The following POLR3D variants were observed in gnomAD, a reference collection of about 807,000 sequenced individuals.
POLR3D encodes the protein RNA polymerase III subunit D, also known as DNA-directed RNA polymerase III subunit RPC4.
Under a neutral mutation model 44.5 loss-of-function variants are expected in POLR3D, and 42 were observed. That is an observed-to-expected ratio of 0.94 (90% CI 0.74 to 1.22). The LOEUF (loss-of-function observed/expected upper bound fraction) is 1.22. Ranked by LOEUF, POLR3D falls within the 50% of genes most tolerant of loss-of-function variation. The probability of loss-of-function intolerance (pLI) is 0.00; values close to 1 mark genes in which losing one functional copy is unlikely to be tolerated. For missense variants in POLR3D, 507 were observed against 505.2 expected, an observed-to-expected ratio of 1.00 and a Z score of -0.03; for synonymous variants, 217 against 198.1, an observed-to-expected ratio of 1.10 and a Z score of -0.80.
At position 22,249,061 on chromosome 8, in the gene POLR3D, G is replaced by T; in HGVS notation, c.673G>T (p.Asp225Tyr). The T allele has an allele frequency of 6.2e-7, 1 of 1,613,926 alleles. No homozygotes were observed. The highest frequency in any genetic ancestry group is 8.5e-7 in the Non-Finnish European group (1 of 1,179,970). The change falls in exon 7 of 9, where the codon GAT (aspartate) becomes TAT (tyrosine). Residue 225 changes from aspartate to tyrosine, a missense_variant. Asp to Tyr is a radical substitution (Grantham distance 160). Coordinates refer to ENST00000306433, the MANE Select transcript of POLR3D (RefSeq NM_001722.3). Reference sequence around the variant, plus strand: ...CCGGGCAGTGAAAGAGGAGCCACGAGATGAGGAGGAAGAGGCCAAGATGAA... The same window carrying T: ...CCGGGCAGTGAAAGAGGAGCCACGATATGAGGAGGAAGAGGCCAAGATGAA... ...PAVKVKEEPR[D>Y]EEEEAKMKAP...
At chr8:22,246,399 G>A (rs1830043358) in intron 2 of POLR3D, among the ~76,000 whole-genome samples, 2 of 151,548 alleles carry the variant, frequency 1.3e-5, no homozygotes, top group African/African-American at 2.4e-5. Context: ...CAAGGTGCTG[G>A]GATTACAGGT....
At position 22,245,170 on chromosome 8, in the gene POLR3D, T is replaced by A. The variant is rs79812935; in HGVS notation, c.-19T>A. The A allele has an allele frequency of 1.7e-6, 1 of 583,638 alleles. No homozygotes were observed. Among genetic ancestry groups the A allele is most frequent in the Non-Finnish European group, 3.2e-6 (1 of 310,700 alleles). 36.2% of individuals were successfully genotyped at this position (583,638 alleles called of 1,614,324 possible). On this transcript the variant is annotated 5_prime_UTR_variant, in exon 1 of 9. Coordinates refer to ENST00000306433, the MANE Select transcript of POLR3D (RefSeq NM_001722.3). ...GGCGCGGAGACCGAAGGCTGGCGGC[T>A]GGTCGCGTTGCAGGTGAGGTTGTGA...
chr8:22,250,129 G>A lies in POLR3D; in HGVS notation c.976G>A (p.Val326Ile). ...CCTGGCTGACCTGACAGAGGGTCAG[G>A]TTGGCAAGCTACTCATCCGCAAGTC... ...CTLADLTEGQ[V>I]GKLLIRKSGR... Residue 326 changes from valine (V) to isoleucine (I), a missense_variant, in exon 8 of 9, where the codon GTT becomes ATT. Transcript: ENST00000306433. The A allele has an allele frequency of 6.2e-7, 1 of 1,614,156 alleles. No homozygotes were observed. Among genetic ancestry groups the A allele is most frequent in the Non-Finnish European group, 8.5e-7 (1 of 1,180,022 alleles).
In POLR3D at chr8:22,250,195, G is replaced by C; in HGVS notation, c.1042G>C (p.Val348Leu). The C allele has an allele frequency of 6.2e-7, 1 of 1,614,192 alleles. No individual in the cohort carries two copies. The highest frequency in any genetic ancestry group is 8.5e-7 in the Non-Finnish European group (1 of 1,180,026). The change falls in exon 8 of 9, where the codon GTG becomes CTG. Residue 348 changes from valine to leucine, a missense_variant. Val to Leu is a conservative substitution (Grantham distance 32). Transcript: ENST00000306433. ...CCTCTTGGGCAAGGTGACTCTGGAC[G>C]TGACCATGGGAACTGCCTGCTCCTT... is the stretch of plus-strand genomic sequence containing the variant. ...QLLLGKVTLD[V>L]TMGTACSFLQ... is the part of the protein sequence containing the mutation.
At chr8:22,247,586 TC>T (rs1385360120) in intron 3 of POLR3D, among the ~76,000 whole-genome samples, 3 of 152,192 alleles carry the variant, frequency 2.0e-5, no homozygotes, top group Non-Finnish European at 1.5e-5. Context: ...TCCCTGAAGT[TC>T]CTTTGCATTT....
Position 22,245,469 on chromosome 8 carries a change from C to T in POLR3D, c.20C>T (p.Ala7Val), listed in dbSNP as rs1300209790. 5 of 1,309,212 alleles carry T rather than the reference C, an allele frequency of 3.8e-6. No individual in the cohort carries two copies. The African/African-American group carries it at 6.0e-5, about 16-fold the overall frequency. The allele number at this position is 1,309,212 out of a possible 1,614,324, so 81.1% of individuals were successfully genotyped here. MSEGNA[A>V]GEPSTPGGPR... The stretch of plus-strand genomic sequence containing the variant: ...GGCAACATGTCGGAAGGAAACGCCG[C>T]CGGCGAGCCCAGCACGCCGGGAGGG... The change falls in exon 2 of 9, where the codon GCC becomes GTC. Residue 7 changes from alanine to valine, a missense_variant. Ala to Val is a moderately conservative substitution (Grantham distance 64). Coordinates refer to ENST00000306433, the MANE Select transcript of POLR3D (RefSeq NM_001722.3).
rs760034690 is a variant in POLR3D, at chr8:22,250,078, G to A, written c.925G>A (p.Ala309Thr). ...VLIKQEKDRE[A>T]KLAENACTLA... Reference sequence around the variant, plus strand: ...CATCCTCTGGTTTTCTCCGCAGGAAGCCAAATTGGCAGAGAATGCTTGTAC... The same window carrying A: ...CATCCTCTGGTTTTCTCCGCAGGAAACCAAATTGGCAGAGAATGCTTGTAC... The change falls in exon 8 of 9, where the codon GCC becomes ACC. Residue 309 changes from alanine to threonine, a missense_variant. By Grantham distance (58) the Ala-to-Thr change is moderately conservative. Coordinates refer to ENST00000306433, the MANE Select transcript of POLR3D (RefSeq NM_001722.3). The A allele has an allele frequency of 8.7e-6, 14 of 1,614,100 alleles. No homozygotes were observed. The highest frequency in any genetic ancestry group is 1.2e-5 in the Non-Finnish European group (14 of 1,180,006).
chr8:22,250,348 G>A (rs1481985026), intron 8 of POLR3D, 48 bp from the exon 9 acceptor site: 14 of 1,612,914 alleles, frequency 8.7e-6, no homozygotes, highest in South Asian at 4.4e-5. Flanking sequence ...AGCTCTACAC[G>A]CCGGGCACGT....
At chr8:22,247,198 T>G in intron 2 of POLR3D, 23 bp from the exon 3 acceptor site, 1 of 1,599,386 alleles carries the variant, frequency 6.3e-7, no homozygotes, top group Non-Finnish European at 8.6e-7. Context: ...AACACATCAG[T>G]GACTCCTGTA....
chr8:22,250,769 A>T lies in POLR3D; in HGVS notation c.*251A>T. The T allele has an allele frequency of 4.0e-6, 2 of 498,994 alleles. No individual in the cohort carries two copies. The highest frequency in any genetic ancestry group is 7.3e-6 in the Non-Finnish European group (2 of 273,152). 30.9% of individuals were successfully genotyped at this position (498,994 alleles called of 1,614,324 possible). ...GGCCCTGCTATTTATTTTTGTATTT[A>T]TGTCTTAATCTCTTCCACTGATGCA... On this transcript the variant is annotated 3_prime_UTR_variant, in exon 9 of 9. Coordinates refer to ENST00000306433, the MANE Select transcript of POLR3D (RefSeq NM_001722.3).
chr8:22,246,236 T>C (rs1210730234), intron 2 of POLR3D, among the ~76,000 whole-genome samples: 1 of 151,960 alleles, frequency 6.6e-6, no homozygotes, highest in Non-Finnish European at 1.5e-5. Context: ...TGAGCGATTC[T>C]CCTGCCTCAT....
At chr8:22,247,404 G>A (rs2131948157) in intron 3 of POLR3D, 140 bp downstream of exon 3, 3 of 609,880 alleles carry the variant, frequency 4.9e-6, no homozygotes, top group Non-Finnish European at 8.8e-6. Context: ...TTCAACCCTG[G>A]CTCCTAGGTG....
In POLR3D at chr8:22,248,059, C is replaced by G. The variant is rs750492669; in HGVS notation, c.361+51C>G. 2.5e-6 allele frequency: 4 copies of G among 1,607,368 alleles called. No homozygotes were observed. The Admixed American group carries it at 6.7e-5, about 27-fold the overall frequency. ...CAGTTCAGACTGCCCCAGAGAAGGGCGAGAACAGTGGAATTTCCCCACTCC... is the reference window on the plus strand; with the variant it reads ...CAGTTCAGACTGCCCCAGAGAAGGGGGAGAACAGTGGAATTTCCCCACTCC... On this transcript the variant is annotated intron_variant, in intron 4 of 8. Coordinates refer to ENST00000306433, the MANE Select transcript of POLR3D (RefSeq NM_001722.3).
chr8:22,248,397 A>G, intron 5 of POLR3D, 84 bp from the exon 6 acceptor site: 3 of 1,573,842 alleles, frequency 1.9e-6, no homozygotes, highest in Admixed American at 1.8e-5. Context: ...GAGCAGCGGA[A>G]TCTTTGGTTA....
In POLR3D at chr8:22,245,527, C is replaced by T; in HGVS notation, c.78C>T (p.Leu26=). ...PRPLLTGARG[L]IGRRPAPPLT... is the part of the protein sequence containing the mutation. The stretch of plus-strand genomic sequence containing the variant: ...CTCTCCTGACTGGGGCCCGGGGGCT[C>T]ATCGGGCGGCGGCCGGCGCCTCCCC... The change falls in exon 2 of 9, where the codon CTC becomes CTT. Residue 26 remains leucine, a synonymous_variant. Transcript: ENST00000306433. 7.9e-7 allele frequency: 1 copy of T among 1,272,986 alleles called. No homozygotes were observed. Among genetic ancestry groups the T allele is most frequent in the African/African-American group, 1.5e-5 (1 of 65,686 alleles). 78.9% of individuals were successfully genotyped at this position (1,272,986 alleles called of 1,614,324 possible).
intron 6 of POLR3D, among the ~76,000 whole-genome samples, 163 bp downstream of exon 6, chr8:22,248,812 C>T (rs1223835861): frequency 1.3e-5 from 2 of 152,178 alleles, no homozygotes; most frequent in East Asian, 1.9e-4. Context: ...CATTCTCCCT[C>T]GCAGAGGGTT....
intron 1 of POLR3D, 129 bp from the exon 2 acceptor site, chr8:22,245,316 G>C (rs1307928044): frequency 6.5e-6 from 4 of 611,100 alleles, no homozygotes; most frequent in African/African-American, 1.9e-5. Context: ...CTCGCCACGT[G>C]GGAGGGGAGG....
rs1830074878 is a variant in POLR3D, at chr8:22,249,213, C to A, written c.825C>A (p.Leu275=). The part of the protein sequence containing the change: ...ELLFLQLPDT[L]PGQPPTQDIK... ...TGTTTCTGCAGCTGCCAGACACCCT[C>A]CCTGGCCAGCCACCCACCCAGGACA... is the stretch of plus-strand genomic sequence containing the variant. The change falls in exon 7 of 9, where the codon CTC becomes CTA. Residue 275 remains leucine, a synonymous_variant. Transcript: ENST00000306433. 5.0e-6 allele frequency: 8 copies of A among 1,613,954 alleles called. No individual in the cohort carries two copies. Among genetic ancestry groups the A allele is most frequent in the Non-Finnish European group, 6.8e-6 (8 of 1,179,998 alleles).
intron 6 of POLR3D, 57 bp downstream of exon 6, chr8:22,248,706 G>A (rs917998870): frequency 2.3e-5 from 35 of 1,527,478 alleles, no homozygotes; most frequent in Middle Eastern, 2.3e-4. Context: ...CAGGAATCCC[G>A]TGCATCAGGC....
Sources: gnomAD v4.1 joint callset for allele counts (sites outside exome capture counted in the v4.1 genomes callset) on GRCh38, gnomAD v4.1.1 for gene constraint, MANE v1.5 for transcripts, NCBI Gene and HGNC (gene_info 2026-07-23, HGNC 2026-07-21) for gene names.